SPAG16: variants seen among roughly 807,000 people sequenced by gnomAD.
SPAG16 encodes the protein sperm-associated antigen 16 protein.
A neutral mutation model predicts 80.4 loss-of-function variants in SPAG16; 86 were observed. The ratio of observed to expected loss-of-function variants is 1.07; its 90% CI spans 0.90 to 1.28. The LOEUF (loss-of-function observed/expected upper bound fraction) is 1.28. Among genes scored for constraint, SPAG16 ranks in the 50% most tolerant of loss-of-function variants. SPAG16 has a pLI of 0.00. For synonymous variants in SPAG16, 294 were observed against 265.9 expected (o/e 1.11, Z -1.03); for missense variants, 870 against 765.3 (o/e 1.14, Z -1.61).
intron 15 of SPAG16, among the ~76,000 whole-genome samples, chr2:214,345,351 T>C (rs1428488188): frequency 6.6e-6 from 1 of 152,172 alleles, no homozygotes; most frequent in African/African-American, 2.4e-5. Flanking sequence ...TTCTTGGATG[T>C]GCTAATTCCC....
intron 10 of SPAG16, among the ~76,000 whole-genome samples, chr2:213,792,135 G>T (rs1262495895): frequency 1.3e-5 from 2 of 152,146 alleles, no homozygotes; most frequent in Admixed American, 6.5e-5. Flanking sequence ...AACTTTACAG[G>T]TTTGTTTGTT....
chr2:214,154,498 A>AC (rs67537759), intron 15 of SPAG16, among the ~76,000 whole-genome samples: 2,585 of 118,992 alleles, frequency 0.022, 67 homozygotes, highest in East Asian at 0.13. Flanking sequence ...AAAGTATCAG[A>AC]CCCCCCCCCC....
chr2:214,202,867 AG>A (rs1407374189), intron 15 of SPAG16, among the ~76,000 whole-genome samples: 1 of 152,246 alleles, frequency 6.6e-6, no homozygotes, highest in Non-Finnish European at 1.5e-5. Flanking sequence ...TAGTGCCACC[AG>A]AGAAAGCATC....
chr2:213,963,291 T>C (rs1369581260), intron 12 of SPAG16, among the ~76,000 whole-genome samples: 1 of 152,148 alleles, frequency 6.6e-6, no homozygotes, highest in Non-Finnish European at 1.5e-5. Context: ...TCTTACTTGA[T>C]ACATTATTCA....
intron 11 of SPAG16, among the ~76,000 whole-genome samples, chr2:213,898,331 T>C (rs564956402): frequency 2.0e-5 from 3 of 152,314 alleles, no homozygotes; most frequent in African/African-American, 4.8e-5. Flanking sequence ...TACTTAATCT[T>C]GTAAAACTTT....
intron 10 of SPAG16, among the ~76,000 whole-genome samples, chr2:213,590,632 T>C (rs2060652574): frequency 6.6e-6 from 1 of 152,088 alleles, no homozygotes; most frequent in South Asian, 2.1e-4. Context: ...ATGGCTATTA[T>C]TAAAAAGTCA....
At chr2:213,603,835 C>G (rs539734087) in intron 10 of SPAG16, among the ~76,000 whole-genome samples, 2 of 152,262 alleles carry the variant, frequency 1.3e-5, no homozygotes, top group South Asian at 4.1e-4. Flanking sequence ...CTTATTTTGT[C>G]ACTATCTGTG....
chr2:214,132,984 G>A (rs1432115943), intron 14 of SPAG16, among the ~76,000 whole-genome samples: 1 of 151,816 alleles, frequency 6.6e-6, no homozygotes, highest in Non-Finnish European at 1.5e-5. Context: ...CCCAGCTACT[G>A]GGGAGGCTGA....
chr2:213,800,508 C>A (rs2071329387), intron 10 of SPAG16, among the ~76,000 whole-genome samples: 1 of 152,032 alleles, frequency 6.6e-6, no homozygotes, highest in South Asian at 2.1e-4. Flanking sequence ...TCTAGGACTA[C>A]ACGTGCACAC....
At chr2:213,986,701 G>A (rs755793715) in intron 12 of SPAG16, among the ~76,000 whole-genome samples, 4 of 151,400 alleles carry the variant, frequency 2.6e-5, no homozygotes, top group Admixed American at 6.6e-5. Context: ...TCGTACTTTC[G>A]TATTTCCTTA....
At chr2:213,297,537 T>C (rs1012455361) in intron 3 of SPAG16, among the ~76,000 whole-genome samples, 180 bp downstream of exon 3, 3 of 152,196 alleles carry the variant, frequency 2.0e-5, no homozygotes, top group African/African-American at 7.2e-5. Flanking sequence ...TACTCTTTTT[T>C]GGATTGCCAT....
At chr2:213,786,235 C>T (rs901483979) in intron 10 of SPAG16, among the ~76,000 whole-genome samples, 1 of 152,052 alleles carries the variant, frequency 6.6e-6, no homozygotes, top group African/African-American at 2.4e-5. Context: ...AACATTTGCG[C>T]TTCTGTCGTA....
At chr2:213,800,306 T>C (rs1353518265) in intron 10 of SPAG16, among the ~76,000 whole-genome samples, 7 of 146,692 alleles carry the variant, frequency 4.8e-5, no homozygotes, top group African/African-American at 1.8e-4. Context: ...TTCCCTCCCT[T>C]TCTCCTTCCC....
chr2:214,162,105 A>C (rs1194948536), intron 15 of SPAG16, among the ~76,000 whole-genome samples: 1 of 152,052 alleles, frequency 6.6e-6, no homozygotes, highest in East Asian at 1.9e-4. Flanking sequence ...GATCTTCCTG[A>C]CTTATAGAAG....
intron 10 of SPAG16, among the ~76,000 whole-genome samples, chr2:213,743,430 T>A (rs1405742867): frequency 1.3e-5 from 2 of 152,220 alleles, no homozygotes; most frequent in African/African-American, 4.8e-5. Flanking sequence ...CCAAAGTATA[T>A]CTTTTATGTT....
intron 15 of SPAG16, among the ~76,000 whole-genome samples, chr2:214,342,169 C>T (rs931411596): frequency 1.3e-5 from 2 of 152,114 alleles, no homozygotes; most frequent in African/African-American, 4.8e-5. Context: ...ATTTATTTGA[C>T]TTTAATTCCA....
intron 15 of SPAG16, among the ~76,000 whole-genome samples, chr2:214,363,505 A>G (rs538927044): frequency 2.6e-5 from 4 of 152,090 alleles, no homozygotes; most frequent in African/African-American, 9.6e-5. Flanking sequence ...CGTTTACCAC[A>G]TGGATATCTT....
At chr2:213,499,239 C>T (rs2074631922) in intron 10 of SPAG16, among the ~76,000 whole-genome samples, 1 of 152,094 alleles carries the variant, frequency 6.6e-6, no homozygotes, top group South Asian at 2.1e-4. Flanking sequence ...TTCAAGCAAC[C>T]TAAAGTATGT....
intron 14 of SPAG16, among the ~76,000 whole-genome samples, 185 bp downstream of exon 14, chr2:214,108,446 C>CAG: frequency 1.6e-5 from 1 of 62,804 alleles, no homozygotes; most frequent in South Asian, 6.3e-4. Flanking sequence ...AATTCACACA[C>CAG]ACACACACAC....
Sources: allele counts gnomAD v4.1 joint callset (sites outside exome capture counted in the v4.1 genomes callset), GRCh38; gene constraint gnomAD v4.1.1; transcripts MANE v1.5; gene names NCBI Gene and HGNC (gene_info 2026-07-23, HGNC 2026-07-21).